PCDHGA10: variants seen among roughly 807,000 people sequenced by gnomAD.
PCDHGA10 encodes protocadherin gamma subfamily A, 10.
Under a neutral mutation model 59.5 loss-of-function variants are expected in PCDHGA10, and 42 were observed. That is an observed-to-expected ratio of 0.71 (90% CI 0.55 to 0.91). The LOEUF is 0.91. PCDHGA10 is among the 40% of genes least tolerant of loss of function. PCDHGA10 has a pLI of 0.00. For synonymous variants in PCDHGA10, 511 were observed against 517.2 expected (o/e 0.99, Z 0.16); for missense variants, 1,111 against 1,198.2 (o/e 0.93, Z 1.07).
intron 2 of PCDHGA10, among the ~76,000 whole-genome samples, chr5:141,503,685 G>A (rs1171934407): frequency 2.6e-5 from 4 of 151,882 alleles, no homozygotes; most frequent in African/African-American, 9.7e-5. Context: ...TTGGGAAGGA[G>A]AATTGAGATT....
chr5:141,482,645 G>A (rs1267966412), intron 1 of PCDHGA10, among the ~76,000 whole-genome samples: 1 of 152,120 alleles, frequency 6.6e-6, no homozygotes, highest in Admixed American at 6.5e-5. Context: ...TAGAGGTGGT[G>A]ATGCTTGAGC....
At chr5:141,469,233 C>T (rs2099194657) in intron 1 of PCDHGA10, among the ~76,000 whole-genome samples, 1 of 149,878 alleles carries the variant, frequency 6.7e-6, no homozygotes, top group African/African-American at 2.5e-5. Context: ...GCCATGATCA[C>T]CCCACTGCAC....
intron 1 of PCDHGA10, chr5:141,418,005 A>G: frequency 6.2e-7 from 1 of 1,613,764 alleles, no homozygotes. Flanking sequence ...GTGGTGGGGA[A>G]CCTCGCTAAG....
chr5:141,414,306 T>A lies in PCDHGA10; in HGVS notation c.1131T>A (p.Asp377Glu), dbSNP rs778408885. The A allele has an allele frequency of 6.2e-6, 10 of 1,613,584 alleles. No homozygotes were observed. The Admixed American group carries it at 1.2e-4, about 19-fold the overall frequency. Reference sequence around the variant, plus strand: ...TCGTAGCCCTTTTAAATGTGCATGATTTAGACTCTGAGCAGAATGGACAGG... The same window carrying A: ...TCGTAGCCCTTTTAAATGTGCATGAATTAGACTCTGAGCAGAATGGACAGG... ...GTVVALLNVH[D>E]LDSEQNGQVT... Residue 377 changes from aspartate to glutamate, a missense_variant, in exon 1 of 4, where the codon GAT becomes GAA. Coordinates refer to ENST00000398610, the MANE Select transcript of PCDHGA10 (RefSeq NM_018913.3).
Position 141,431,697 on chromosome 5 carries a change from G to A in PCDHGA10, c.2436+16086G>A. The A allele has an allele frequency of 6.2e-7, 1 of 1,614,206 alleles. No homozygotes were observed. Among genetic ancestry groups the A allele is most frequent in the South Asian group, 1.1e-5 (1 of 91,084 alleles). On this transcript the variant is annotated intron_variant, in intron 1 of 3. Transcript: ENST00000398610. This position sits in a 1 kb window ranked among gnomAD's most constrained non-coding sequence, Gnocchi z 4.8. Reference sequence around the variant, plus strand: ...GGGGAGTTGGACCACGAGGAGTCAGGATTCTACCAGATGGAAGTGCAAGCA... The same window carrying A: ...GGGGAGTTGGACCACGAGGAGTCAGAATTCTACCAGATGGAAGTGCAAGCA...
At chr5:141,424,055 C>T (rs2096796946) in intron 1 of PCDHGA10, 1 of 1,007,784 alleles carries the variant, frequency 9.9e-7, no homozygotes. Flanking sequence ...TTTTGCTGTG[C>T]CTTCACTGAT....
intron 1 of PCDHGA10, chr5:141,418,046 G>A (rs757311166): frequency 1.9e-6 from 3 of 1,613,888 alleles, no homozygotes; most frequent in Admixed American, 3.3e-5. Flanking sequence ...GGATGTGTCG[G>A]CTCGCGAGCT....
intron 1 of PCDHGA10, among the ~76,000 whole-genome samples, chr5:141,469,600 T>C (rs1276702104): frequency 6.6e-6 from 1 of 151,974 alleles, no homozygotes; most frequent in Non-Finnish European, 1.5e-5. Flanking sequence ...TAAAACAAAA[T>C]AAGTAAAATA....
At chr5:141,483,648 T>TTGTGTG (rs111458813) in intron 1 of PCDHGA10, among the ~76,000 whole-genome samples, 20,229 of 149,628 alleles carry the variant, frequency 0.14, 2,147 homozygotes, top group African/African-American at 0.31. Context: ...GGGTGTGTGT[T>TTGTGTG]TGTGTGTGTG....
intron 1 of PCDHGA10, chr5:141,421,475 G>A (rs752558543): frequency 4.3e-6 from 7 of 1,614,150 alleles, no homozygotes. Flanking sequence ...CCGCGAAGCG[G>A]CAGCTTGATC....
Position 141,432,206 on chromosome 5 carries a change from G to T in PCDHGA10, c.2436+16595G>T, listed in dbSNP as rs551220443. ...GACCGCCCACGACCCCGACTGTGAA[G>T]AGAACGCCCAGATCACTTATTCCCT... On this transcript the variant is annotated intron_variant, in intron 1 of 3. Coordinates refer to ENST00000398610, the MANE Select transcript of PCDHGA10 (RefSeq NM_018913.3). The surrounding 1 kb of genome is among the most constrained non-coding windows in gnomAD (Gnocchi z 6.0). 12 of 1,614,214 alleles carry T rather than the reference G, an allele frequency of 7.4e-6. No individual in the cohort carries two copies. The Admixed American group carries it at 8.3e-5, about 11-fold the overall frequency.
intron 2 of PCDHGA10, among the ~76,000 whole-genome samples, chr5:141,500,768 A>C (rs2099802446): frequency 6.6e-6 from 1 of 152,180 alleles, no homozygotes; most frequent in African/African-American, 2.4e-5. Flanking sequence ...AACTCCTCTT[A>C]TGAATATACA....
intron 1 of PCDHGA10, chr5:141,422,368 G>A: frequency 1.9e-6 from 3 of 1,565,294 alleles, no homozygotes; most frequent in Non-Finnish European, 2.6e-6. Context: ...TGGAGAAAAT[G>A]GTCAAGTCTC....
At position 141,477,020 on chromosome 5, in the gene PCDHGA10, G is replaced by A; in HGVS notation, c.2437-17787G>A. The A allele has an allele frequency of 6.2e-7, 1 of 1,614,224 alleles. No individual in the cohort carries two copies. Among genetic ancestry groups the A allele is most frequent in the Non-Finnish European group, 8.5e-7 (1 of 1,180,048 alleles). ...ACTATTCGCCTTAGACCTTGTAACC[G>A]GGATGCTGACAATCAAGGGTCGGCT... On this transcript the variant is annotated intron_variant, in intron 1 of 3. Transcript: ENST00000398610. This position sits in a 1 kb window ranked among gnomAD's most constrained non-coding sequence, Gnocchi z 4.9.
chr5:141,413,033 T>C lies in PCDHGA10; in HGVS notation c.-143T>C. On this transcript the variant is annotated 5_prime_UTR_variant, in exon 1 of 4. Coordinates refer to ENST00000398610, the MANE Select transcript of PCDHGA10 (RefSeq NM_018913.3). The stretch of plus-strand genomic sequence containing the variant: ...AACTACACAAGCCCCACAAACCGGC[T>C]GCTGGGCTGCAGGGAAGCTCACTCC... The C allele has an allele frequency of 1.3e-6, 1 of 776,760 alleles. No individual in the cohort carries two copies. The highest frequency in any genetic ancestry group is 2.0e-6 in the Non-Finnish European group (1 of 506,830). The allele number at this position is 776,760 out of a possible 1,614,324, so 48.1% of individuals were successfully genotyped here. A position where few individuals can be genotyped will look rare whatever the true frequency, so the allele number is the denominator to read the frequency against.
intron 1 of PCDHGA10, among the ~76,000 whole-genome samples, chr5:141,472,590 C>G (rs1161871973): frequency 6.6e-6 from 1 of 151,908 alleles, no homozygotes; most frequent in African/African-American, 2.4e-5. Flanking sequence ...GTCAGAAGCT[C>G]TCTTGAAATT....
chr5:141,443,183 TTCTC>T (rs2098370937), intron 1 of PCDHGA10, among the ~76,000 whole-genome samples: 1 of 152,184 alleles, frequency 6.6e-6, no homozygotes, highest in Non-Finnish European at 1.5e-5. Context: ...CACTGCATCA[TTCTC>T]TATAGTACAA....
At position 141,422,169 on chromosome 5, in the gene PCDHGA10, A is replaced by G. The variant is rs1386896405; in HGVS notation, c.2436+6558A>G. 2.6e-6 allele frequency: 4 copies of G among 1,563,898 alleles called. No homozygotes were observed. In the South Asian group the frequency reaches 4.9e-5, roughly 19 times the overall value. On this transcript the variant is annotated intron_variant, in intron 1 of 3. Coordinates refer to ENST00000398610, the MANE Select transcript of PCDHGA10 (RefSeq NM_018913.3). ...GGTCTCTGGATTTTGAAAAATATAG[A>G]TTCTATGAGATGGAAATTCAAGGCC...
At position 141,416,083 on chromosome 5, in the gene PCDHGA10, A is replaced by T. The variant is rs183563665; in HGVS notation, c.2436+472A>T. The T allele has an allele frequency of 1.6e-4, 27 of 167,232 alleles. 1 individual carries two copies. The East Asian group carries it at 3.9e-3, about 24-fold the overall frequency. The allele number at this position is 167,232 out of a possible 1,614,324, so 10.4% of individuals were successfully genotyped here. A position where few individuals can be genotyped will look rare whatever the true frequency, so the allele number is the denominator to read the frequency against. On this transcript the variant is annotated intron_variant, in intron 1 of 3. Transcript: ENST00000398610. Reference sequence around the variant, plus strand: ...AGAATACTCAATGCAGTTCTTCCCAAGGAGAAGGGCAATAGGCCTTTTTCA... The same window carrying T: ...AGAATACTCAATGCAGTTCTTCCCATGGAGAAGGGCAATAGGCCTTTTTCA...
Sources: gnomAD v4.1 joint callset for allele counts (sites outside exome capture counted in the v4.1 genomes callset) on GRCh38, gnomAD v4.1.1 for gene constraint, Gnocchi (gnomAD v3.1) non-coding constraint, MANE v1.5 for transcripts, NCBI Gene and HGNC (gene_info 2026-07-23, HGNC 2026-07-21) for gene names.